FARS2: variants seen among roughly 807,000 people sequenced by gnomAD.
The protein encoded by FARS2 is phenylalanyl-tRNA synthetase 2, mitochondrial, also known as phenylalanine--tRNA ligase, mitochondrial.
FARS2 carries 40 observed loss-of-function variants against 46.4 expected under a neutral mutation model. That is an observed-to-expected ratio of 0.86 (90% CI 0.67 to 1.12). The LOEUF (loss-of-function observed/expected upper bound fraction) is 1.12. Ranked by LOEUF, FARS2 falls within the 50% of genes most tolerant of loss-of-function variation. The pLI is 0.00. For synonymous variants in FARS2, 234 were observed against 214.9 expected, an observed-to-expected ratio of 1.09 and a Z score of -0.78; for missense variants, 513 against 567.9, an observed-to-expected ratio of 0.90 and a Z score of 0.98.
rs1281338979 is a variant in FARS2, at chr6:5,765,786, T to C, written c.1218-5505T>C. ...TGCAGGACCTCAGCAGGCTGCTAAC[T>C]CCCGGATGTGAGCTGGTTGAGGGCA... is the stretch of plus-strand genomic sequence containing the variant. On this transcript the variant is annotated intron_variant, in intron 6 of 6. Coordinates refer to ENST00000274680, the MANE Select transcript of FARS2 (RefSeq NM_006567.5). The surrounding 1 kb of genome is among the most constrained non-coding windows in gnomAD (Gnocchi z 4.0). Among the ~76,000 whole-genome samples, 1 of 152,068 alleles carries C rather than the reference T, an allele frequency of 6.6e-6. No homozygotes were observed. Among genetic ancestry groups the C allele is most frequent in the East Asian group, 1.9e-4 (1 of 5,184 alleles).
intron 1 of FARS2, among the ~76,000 whole-genome samples, chr6:5,285,932 G>C (rs541816000): frequency 6.6e-6 from 1 of 152,278 alleles, no homozygotes; most frequent in East Asian, 1.9e-4. Context: ...GGAGAATATG[G>C]TTCTTCACTT....
chr6:5,576,634 C>CATATATTATATATATT (rs75665515), intron 5 of FARS2, among the ~76,000 whole-genome samples: 2 of 145,766 alleles, frequency 1.4e-5, no homozygotes, highest in African/African-American at 2.5e-5. Flanking sequence ...CATATATTAA[C>CATATATTATATATATT]ATATATATAT....
intron 1 of FARS2, among the ~76,000 whole-genome samples, chr6:5,363,537 T>C (rs1384267956): frequency 2.0e-5 from 3 of 152,044 alleles, no homozygotes; most frequent in Non-Finnish European, 4.4e-5. Context: ...ATGATAAATA[T>C]AAGAGAGAGA....
At chr6:5,612,592 G>GA (rs1358478825) in intron 5 of FARS2, among the ~76,000 whole-genome samples, 2 of 151,552 alleles carry the variant, frequency 1.3e-5, no homozygotes, top group Non-Finnish European at 2.9e-5. Flanking sequence ...TAGTAAGCTG[G>GA]AAAAAATGGA....
chr6:5,723,273 G>T (rs1295094687), intron 6 of FARS2, among the ~76,000 whole-genome samples: 2 of 152,114 alleles, frequency 1.3e-5, no homozygotes, highest in Non-Finnish European at 2.9e-5. Flanking sequence ...AAGAAACAAA[G>T]CTCATATCTA....
intron 6 of FARS2, among the ~76,000 whole-genome samples, chr6:5,620,421 T>C (rs1775710088): frequency 6.6e-6 from 1 of 152,224 alleles, no homozygotes; most frequent in African/African-American, 2.4e-5. Context: ...GGAGGTGTTC[T>C]AGTGGGGGCT....
chr6:5,328,081 C>T (rs1221523285), intron 1 of FARS2, among the ~76,000 whole-genome samples: 1 of 152,196 alleles, frequency 6.6e-6, no homozygotes, highest in Non-Finnish European at 1.5e-5. Context: ...TCATTCTTTG[C>T]ATTCACCTTA....
At position 5,336,343 on chromosome 6, in the gene FARS2, G is replaced by T. The variant is rs563716750; in HGVS notation, c.-21-32207G>T. On this transcript the variant is annotated intron_variant, in intron 1 of 6. Coordinates refer to ENST00000274680, the MANE Select transcript of FARS2 (RefSeq NM_006567.5). ...CATGGCAGTCTGATGGATTTTAAAA[G>T]TCTCGGTGACTTTATTTTATACCCA... Among the ~76,000 whole-genome samples, 4 of 151,916 alleles carry T rather than the reference G, an allele frequency of 2.6e-5. No homozygotes were observed. In the East Asian group the frequency reaches 5.8e-4, roughly 22 times the overall value.
At chr6:5,545,462 T>C (rs1208356282) in intron 5 of FARS2, 122 bp downstream of exon 5, 2 of 774,976 alleles carry the variant, frequency 2.6e-6, no homozygotes, top group African/African-American at 1.8e-5. Context: ...TTCATTTTAC[T>C]TTAAGTTCTG....
intron 2 of FARS2, among the ~76,000 whole-genome samples, chr6:5,401,618 G>A (rs577959765): frequency 1.3e-5 from 2 of 152,122 alleles, no homozygotes; most frequent in Admixed American, 6.5e-5. Context: ...CTTGAACAAG[G>A]CTCATGCTTT....
intron 6 of FARS2, among the ~76,000 whole-genome samples, chr6:5,679,325 C>T (rs976980716): frequency 6.6e-6 from 1 of 152,112 alleles, no homozygotes; most frequent in African/African-American, 2.4e-5. Flanking sequence ...AACATAATTG[C>T]GACCAAAATG....
intron 4 of FARS2, among the ~76,000 whole-genome samples, chr6:5,464,619 A>G (rs755739775): frequency 1.3e-5 from 2 of 152,324 alleles, no homozygotes; most frequent in Admixed American, 6.5e-5. Context: ...TCCTCAACCT[A>G]TTAGATACCT....
intron 1 of FARS2, among the ~76,000 whole-genome samples, chr6:5,270,895 C>A (rs986003498): frequency 6.6e-6 from 1 of 152,212 alleles, no homozygotes; most frequent in African/African-American, 2.4e-5. Context: ...CCTTCCTTCC[C>A]TTGCTAATTA....
chr6:5,326,492 G>C (rs1026422145), intron 1 of FARS2, among the ~76,000 whole-genome samples: 9 of 152,106 alleles, frequency 5.9e-5, no homozygotes, highest in Admixed American at 3.9e-4. Context: ...TGGTGTGCCT[G>C]CTCCGAGATC....
chr6:5,326,755 G>GTCA (rs1770420207), intron 1 of FARS2, among the ~76,000 whole-genome samples: 1 of 152,234 alleles, frequency 6.6e-6, no homozygotes, highest in South Asian at 2.1e-4. Context: ...ATGTGCCAGT[G>GTCA]TCATCAGATG....
intron 6 of FARS2, among the ~76,000 whole-genome samples, chr6:5,766,217 A>G (rs770114393): frequency 6.6e-6 from 1 of 152,234 alleles, no homozygotes; most frequent in Non-Finnish European, 1.5e-5. Context: ...CCTTCGGGGC[A>G]GGCTTCTTGT....
chr6:5,472,218 C>T (rs1389939355), intron 4 of FARS2, among the ~76,000 whole-genome samples: 1 of 152,146 alleles, frequency 6.6e-6, no homozygotes, highest in East Asian at 1.9e-4. Flanking sequence ...CCGCATGTCA[C>T]TGGGGTTTAG....
chr6:5,410,826 A>G (rs1164493682), intron 3 of FARS2, among the ~76,000 whole-genome samples: 3 of 152,196 alleles, frequency 2.0e-5, no homozygotes, highest in African/African-American at 7.2e-5. Context: ...CTTAAATGGA[A>G]TCACATCAAA....
chr6:5,507,245 T>C (rs1374230106), intron 4 of FARS2, among the ~76,000 whole-genome samples: 1 of 152,244 alleles, frequency 6.6e-6, no homozygotes, highest in Non-Finnish European at 1.5e-5. Context: ...TGACTAGCTT[T>C]CCACTGTTAA....
Sources: allele counts gnomAD v4.1 joint callset (sites outside exome capture counted in the v4.1 genomes callset), GRCh38; gene constraint gnomAD v4.1.1; non-coding constraint Gnocchi (gnomAD v3.1); transcripts MANE v1.5; gene names NCBI Gene and HGNC (gene_info 2026-07-23, HGNC 2026-07-21).